PLD3: variants seen among roughly 807,000 people sequenced by gnomAD.
PLD3 encodes the protein 5'-3' exonuclease PLD3.
Under a neutral mutation model 58.4 loss-of-function variants are expected in PLD3, and 31 were observed. The observed-to-expected ratio is 0.53, with a 90% confidence interval of 0.40 to 0.72. The LOEUF is 0.72. Ranked by LOEUF, PLD3 falls within the 30% of genes least tolerant of loss-of-function variation. The probability of loss-of-function intolerance (pLI) is 0.00; values close to 1 mark genes in which losing one functional copy is unlikely to be tolerated. For synonymous variants in PLD3, 264 were observed against 273.4 expected (o/e 0.97, Z 0.34); for missense variants, 595 against 659.8 (o/e 0.90, Z 1.08).
At chr19:40,370,267 C>T (rs2079035586) in intron 8 of PLD3, 30 bp downstream of exon 8, 13 of 1,597,028 alleles carry the variant, frequency 8.1e-6, no homozygotes, top group Non-Finnish European at 1.1e-5. Context: ...ACCTTCCTTC[C>T]AGGCCACTCC....
Position 40,376,691 on chromosome 19 carries a change from G to T in PLD3, c.1102G>T (p.Gly368Ter), listed in dbSNP as rs774211382. 4 of 1,605,196 alleles carry T rather than the reference G, an allele frequency of 2.5e-6. No individual in the cohort carries two copies. The South Asian group carries it at 3.3e-5, about 13-fold the overall frequency. Reference sequence around the variant, plus strand: ...GGTGCGCCTGCTCATCAGCTGCTGGGGACACTCGGAGCCATCCATGCGGGC... The same window carrying T: ...GGTGCGCCTGCTCATCAGCTGCTGGTGACACTCGGAGCCATCCATGCGGGC... Reference protein sequence around the residue: ...VKVRLLISCWGHSEPSMRAFL... With the variant: ...VKVRLLISCW The change falls in exon 11 of 13, where the codon GGA becomes TGA. Residue 368 changes from glycine to a stop codon, truncating the protein, a stop_gained. Transcript: ENST00000409735. LOFTEE classifies it high-confidence loss of function.
At chr19:40,371,918 C>T (rs1158413394) in intron 9 of PLD3, 45 bp downstream of exon 9, 10 of 1,471,468 alleles carry the variant, frequency 6.8e-6, no homozygotes, top group Admixed American at 5.0e-5. Context: ...AGCCCCATGC[C>T]GTCACTCACA....
At chr19:40,374,674 A>G in intron 10 of PLD3, 54 bp downstream of exon 10, 1 of 1,604,660 alleles carries the variant, frequency 6.2e-7, no homozygotes, top group Non-Finnish European at 8.5e-7. Flanking sequence ...GAGACGGGAG[A>G]GGGAATCATG....
At chr19:40,362,561 A>G (rs1365305088) in intron 1 of PLD3, among the ~76,000 whole-genome samples, 2 of 152,042 alleles carry the variant, frequency 1.3e-5, no homozygotes, top group African/African-American at 4.8e-5. Flanking sequence ...TCAGCCTTCC[A>G]CATAGTTGGA....
intron 1 of PLD3, among the ~76,000 whole-genome samples, chr19:40,352,120 A>G: frequency 6.6e-6 from 1 of 152,080 alleles, no homozygotes; most frequent in East Asian, 1.9e-4. Context: ...AAAATTATAT[A>G]AAATTAGCTG....
chr19:40,372,583 C>CAGG (rs1423094722), intron 9 of PLD3, among the ~76,000 whole-genome samples: 3 of 151,714 alleles, frequency 2.0e-5, no homozygotes, highest in African/African-American at 7.3e-5. Flanking sequence ...CACTTGAGGC[C>CAGG]AGGAGTTCAT....
chr19:40,375,596 G>A (rs1422642066), intron 10 of PLD3, among the ~76,000 whole-genome samples: 2 of 148,164 alleles, frequency 1.3e-5, no homozygotes, highest in Non-Finnish European at 3.0e-5. Context: ...GTTGCAGTGA[G>A]CCAAGATCAT....
chr19:40,351,273 G>C (rs1369254552), intron 1 of PLD3, among the ~76,000 whole-genome samples: 1 of 151,866 alleles, frequency 6.6e-6, no homozygotes, highest in Non-Finnish European at 1.5e-5. Context: ...GCCAGGCGTA[G>C]TGGCTCATGC....
At chr19:40,375,201 G>C (rs1420211519) in intron 10 of PLD3, among the ~76,000 whole-genome samples, 1 of 151,876 alleles carries the variant, frequency 6.6e-6, no homozygotes, top group African/African-American at 2.4e-5. Flanking sequence ...GAATATTGGG[G>C]TTGAGGGCAG....
At chr19:40,352,655 TAAAAC>T (rs1026706295) in intron 1 of PLD3, among the ~76,000 whole-genome samples, 62 of 152,152 alleles carry the variant, frequency 4.1e-4, no homozygotes, top group African/African-American at 1.2e-3. Context: ...TTTAAAAAAA[TAAAAC>T]AAATATATTA....
intron 1 of PLD3, among the ~76,000 whole-genome samples, chr19:40,361,613 A>C (rs1336955901): frequency 6.6e-6 from 1 of 151,710 alleles, no homozygotes; most frequent in Non-Finnish European, 1.5e-5. Context: ...CTCCATCCAC[A>C]CCAGGCACAT....
At chr19:40,359,820 G>A (rs534821732) in intron 1 of PLD3, 9 of 152,242 alleles carry the variant, frequency 5.9e-5, no homozygotes, top group African/African-American at 2.2e-4. Flanking sequence ...CTGCATGTCA[G>A]GGGCTCTTCT....
intron 1 of PLD3, among the ~76,000 whole-genome samples, chr19:40,350,633 A>G (rs1321347183): frequency 2.6e-5 from 4 of 151,500 alleles, no homozygotes; most frequent in African/African-American, 9.7e-5. Context: ...AATCTGAGCA[A>G]CTCGGGAGGC....
In PLD3 at chr19:40,374,616, C is replaced by T. The variant is rs145888304; in HGVS notation, c.1015C>T (p.His339Tyr). 6 of 1,614,044 alleles carry T rather than the reference C, an allele frequency of 3.7e-6. No individual in the cohort carries two copies. The highest frequency in any genetic ancestry group is 5.1e-6 in the Non-Finnish European group (6 of 1,179,976). ...YLPTLEFSHP[H>Y]RFWPAIDDGL... ...GCCCACTCTGGAGTTCTCCCACCCT[C>T]ACAGGTACTGCTGGGTGTGGAGATA... Residue 339 changes from histidine to tyrosine, a missense_variant, in exon 10 of 13, where the codon CAC becomes TAC. By Grantham distance (83) the His-to-Tyr change is moderately conservative. Coordinates refer to ENST00000409735, the MANE Select transcript of PLD3 (RefSeq NM_012268.4).
chr19:40,351,460 G>A (rs980432592), intron 1 of PLD3, among the ~76,000 whole-genome samples: 17 of 152,004 alleles, frequency 1.1e-4, no homozygotes, highest in Middle Eastern at 6.8e-3. Flanking sequence ...CAGGAGAATC[G>A]CTTGAACCAG....
At chr19:40,373,384 C>T (rs1015871335) in intron 9 of PLD3, among the ~76,000 whole-genome samples, 17 of 151,982 alleles carry the variant, frequency 1.1e-4, no homozygotes, top group Non-Finnish European at 2.1e-4. Flanking sequence ...GGAGACCAGC[C>T]TGGGAAACGT....
intron 6 of PLD3, 97 bp from the exon 7 acceptor site, chr19:40,369,811 C>A: frequency 8.6e-7 from 1 of 1,159,114 alleles, no homozygotes. Flanking sequence ...AGTCTGTTTA[C>A]TCCTAATCAT....
At chr19:40,366,546 G>A in intron 3 of PLD3, 36 bp downstream of exon 3, 1 of 1,602,532 alleles carries the variant, frequency 6.2e-7, no homozygotes, top group Admixed American at 1.7e-5. Context: ...GGTGGAACTG[G>A]GTACAGTGGG....
Position 40,378,031 on chromosome 19 carries a change from C to A in PLD3, c.1331C>A (p.Thr444Asn). The change falls in exon 13 of 13, where the codon ACC becomes AAC. Residue 444 changes from threonine to asparagine, a missense_variant. By Grantham distance (65) the Thr-to-Asn change is moderately conservative (BLOSUM62 0). Transcript: ENST00000409735. ...AACTACTTCACGGAGACGGCGGGCA[C>A]CTCGCTGCTGGTGACGCAGAATGGG... is the stretch of plus-strand genomic sequence containing the variant. ...SGNYFTETAGTSLLVTQNGRG... is the reference protein window; with the variant it reads ...SGNYFTETAGNSLLVTQNGRG... The A allele has an allele frequency of 6.2e-7, 1 of 1,613,642 alleles. No homozygotes were observed. The highest frequency in any genetic ancestry group is 8.5e-7 in the Non-Finnish European group (1 of 1,179,746).
Sources: gnomAD v4.1 joint callset for allele counts (sites outside exome capture counted in the v4.1 genomes callset) on GRCh38, gnomAD v4.1.1 for gene constraint, MANE v1.5 for transcripts, NCBI Gene and HGNC (gene_info 2026-07-23, HGNC 2026-07-21) for gene names.